Variants in AFF3 observed in about 807,000 individuals in gnomAD.
AFF3 encodes the protein AF4/FMR2 family member 3.
Under a neutral mutation model 129.7 loss-of-function variants are expected in AFF3, and 32 were observed. That is an observed-to-expected ratio of 0.25 (90% CI 0.19 to 0.33). The LOEUF (loss-of-function observed/expected upper bound fraction) is 0.33. Ranked by LOEUF, AFF3 falls within the 10% of genes least tolerant of loss-of-function variation. AFF3 has a pLI of 1.00. For missense variants in AFF3, 1,373 were observed against 1,592.0 expected, an observed-to-expected ratio of 0.86 and a Z score of 2.34; for synonymous variants, 644 against 635.4, an observed-to-expected ratio of 1.01 and a Z score of -0.20.
intron 4 of AFF3, among the ~76,000 whole-genome samples, chr2:100,073,611 G>A (rs1688369713): frequency 6.6e-6 from 1 of 152,122 alleles, no homozygotes; most frequent in African/African-American, 2.4e-5. Context: ...TGTGTTATTT[G>A]GTCAAATAAA....
intron 7 of AFF3, among the ~76,000 whole-genome samples, chr2:99,890,097 C>G (rs1423740628): frequency 1.3e-5 from 2 of 152,174 alleles, no homozygotes; most frequent in Non-Finnish European, 2.9e-5. Flanking sequence ...ACAGTGTTCT[C>G]CCCCGAGTGC....
rs1452576195 is a variant in AFF3 at position 99,915,951 on chromosome 2, G to A, written c.874-78427C>T. On this transcript the variant is annotated intron_variant, in intron 7 of 24. Coordinates refer to ENST00000672756, the MANE Select transcript of AFF3 (RefSeq NM_001386135.1). Reference sequence around the variant, plus strand: ...CTTAAACTGAAGAAGAGTCTGAAATGCTGGCTTTTATTCTTCAAAAATGTA... The same window carrying A: ...CTTAAACTGAAGAAGAGTCTGAAATACTGGCTTTTATTCTTCAAAAATGTA... Among the ~76,000 whole-genome samples, 26 of 152,148 alleles carry A rather than the reference G, an allele frequency of 1.7e-4. 1 individual carries two copies. The highest frequency in any genetic ancestry group is 1.7e-3 in the Admixed American group (26 of 15,278).
intron 13 of AFF3, among the ~76,000 whole-genome samples, chr2:99,610,452 C>CT (rs932089795): frequency 1.3e-5 from 2 of 151,986 alleles, no homozygotes; most frequent in Non-Finnish European, 2.9e-5. Flanking sequence ...TGAGATGGGC[C>CT]TTTTTTCAGT....
intron 7 of AFF3, among the ~76,000 whole-genome samples, chr2:99,963,940 A>G (rs780655277): frequency 1.3e-5 from 2 of 151,744 alleles, no homozygotes; most frequent in Non-Finnish European, 2.9e-5. Context: ...AAGATATACC[A>G]TACAAACAAA....
chr2:99,549,118 C>G lies in AFF3; in HGVS notation c.*2356G>C. ...CAAGGTGGGCAGGACCAGAGAAGCT[C>G]TCCAGGTATGCAGGATAGACCTCCA... is the stretch of plus-strand genomic sequence containing the variant. On this transcript the variant is annotated 3_prime_UTR_variant, in exon 25 of 25. Transcript: ENST00000672756. The G allele has an allele frequency of 4.4e-6, 1 of 225,510 alleles. No individual in the cohort carries two copies. Among genetic ancestry groups the G allele is most frequent in the Non-Finnish European group, 8.8e-6 (1 of 113,222 alleles). The allele number at this position is 225,510 out of a possible 1,614,324, so 14.0% of individuals were successfully genotyped here.
chr2:99,784,944 G>A (rs1178492016), intron 8 of AFF3, among the ~76,000 whole-genome samples: 5 of 152,150 alleles, frequency 3.3e-5, no homozygotes, highest in Admixed American at 2.6e-4. Flanking sequence ...TGCTACCGTG[G>A]CTGGCGTGTT....
chr2:100,008,700 A>G (rs1682215292), intron 5 of AFF3, 112 bp downstream of exon 5: 2 of 1,330,202 alleles, frequency 1.5e-6, no homozygotes, highest in Non-Finnish European at 1.0e-6. Flanking sequence ...TGGGCTGAAC[A>G]GACAGAAGAT....
intron 7 of AFF3, among the ~76,000 whole-genome samples, chr2:99,887,054 A>G (rs1693163112): frequency 6.6e-6 from 1 of 152,212 alleles, no homozygotes; most frequent in Admixed American, 6.5e-5. Context: ...AGCTGAATTT[A>G]TCAGTAGCCC....
rs142864616 is a variant in AFF3 at position 99,963,506 on chromosome 2, C to T, written c.873+43126G>A. 3.6e-3 allele frequency among the ~76,000 whole-genome samples: 553 copies of T among 152,086 alleles called. 2 individuals carry two copies. The highest frequency in any genetic ancestry group is 0.013 in the African/African-American group (527 of 41,536). On this transcript the variant is annotated intron_variant, in intron 7 of 24. Transcript: ENST00000672756. The stretch of plus-strand genomic sequence containing the variant: ...GGCAGTCAGGTTTCTACATTCTACA[C>T]GAGGTTTAACACTCATTCAAAGTGG...
chr2:99,882,169 A>G (rs1648820068), intron 7 of AFF3, among the ~76,000 whole-genome samples: 1 of 151,934 alleles, frequency 6.6e-6, no homozygotes, highest in African/African-American at 2.4e-5. Flanking sequence ...CTTATGTGAG[A>G]GAGCTCAGCT....
intron 22 of AFF3, among the ~76,000 whole-genome samples, chr2:99,555,839 G>A (rs1326848578): frequency 6.6e-6 from 1 of 152,198 alleles, no homozygotes; most frequent in Admixed American, 6.5e-5. Context: ...GAACTCTGAG[G>A]TGCTACAATG....
chr2:99,590,375 T>C (rs1012792278), intron 15 of AFF3, among the ~76,000 whole-genome samples: 6 of 152,206 alleles, frequency 3.9e-5, no homozygotes, highest in Non-Finnish European at 8.8e-5. Context: ...CATATGCCCC[T>C]GCACATGTAC....
chr2:99,877,351 C>T (rs987270208), intron 7 of AFF3, among the ~76,000 whole-genome samples: 1 of 152,072 alleles, frequency 6.6e-6, no homozygotes, highest in Non-Finnish European at 1.5e-5. Context: ...ATTTGGGATG[C>T]CAGGGGGCCT....
At chr2:99,947,585 A>AAG (rs1213790210) in intron 7 of AFF3, among the ~76,000 whole-genome samples, 1 of 134,266 alleles carries the variant, frequency 7.4e-6, no homozygotes, top group Non-Finnish European at 1.6e-5. Context: ...AAAGAAAAGA[A>AAG]AGAAAGAAAG....
chr2:99,599,152 A>G (rs1358242452), intron 14 of AFF3, among the ~76,000 whole-genome samples: 1 of 152,222 alleles, frequency 6.6e-6, no homozygotes, highest in African/African-American at 2.4e-5. Flanking sequence ...GGAAGAAATG[A>G]CAAGAGCCTC....
chr2:99,876,219 GC>G (rs1311677432), intron 7 of AFF3, among the ~76,000 whole-genome samples: 1 of 152,142 alleles, frequency 6.6e-6, no homozygotes, highest in East Asian at 1.9e-4. Context: ...TCCTGAATGT[GC>G]ATCTCCAGCC....
intron 4 of AFF3, among the ~76,000 whole-genome samples, chr2:100,032,570 C>T (rs1318493641): frequency 6.6e-6 from 1 of 152,110 alleles, no homozygotes; most frequent in Non-Finnish European, 1.5e-5. Flanking sequence ...GTATACAAAC[C>T]AACTTCAGTT....
intron 8 of AFF3, among the ~76,000 whole-genome samples, chr2:99,800,913 TG>T (rs1685892880): frequency 6.6e-6 from 1 of 152,080 alleles, no homozygotes; most frequent in Non-Finnish European, 1.5e-5. Flanking sequence ...AGTGGTGGCC[TG>T]GGGATGAGTG....
intron 7 of AFF3, among the ~76,000 whole-genome samples, chr2:99,867,001 A>AAT (rs1491397491): frequency 1.8e-5 from 1 of 55,242 alleles, no homozygotes; most frequent in Non-Finnish European, 3.4e-5. Flanking sequence ...TAATAATAAT[A>AAT]AAAAATAAAT....
Sources: gnomAD v4.1 joint callset for allele counts (sites outside exome capture counted in the v4.1 genomes callset) on GRCh38, gnomAD v4.1.1 for gene constraint, MANE v1.5 for transcripts, NCBI Gene and HGNC (gene_info 2026-07-23, HGNC 2026-07-21) for gene names.